LNX2: variants seen among roughly 807,000 people sequenced by gnomAD.
LNX2 encodes the protein ligand of numb-protein X 2.
Under a neutral mutation model 66.2 loss-of-function variants are expected in LNX2, and 35 were observed. The ratio of observed to expected loss-of-function variants is 0.53; its 90% CI spans 0.40 to 0.70. The LOEUF (loss-of-function observed/expected upper bound fraction) is 0.70. LNX2 is among the 30% of genes least tolerant of loss of function. The pLI is 0.00. For missense variants in LNX2, 791 were observed against 850.8 expected (o/e 0.93, Z 0.87); for synonymous variants, 337 against 315.6 (o/e 1.07, Z -0.72).
At chr13:27,582,638 G>C (rs931099611) in intron 1 of LNX2, among the ~76,000 whole-genome samples, 2 of 152,066 alleles carry the variant, frequency 1.3e-5, no homozygotes, top group African/African-American at 4.8e-5. Context: ...AACTAACACA[G>C]GAACAGAAAA....
chr13:27,559,829 A>AT lies in LNX2; in HGVS notation c.1368+12_1368+13insA, dbSNP rs1454950843. The AT allele has an allele frequency of 4.0e-6, 6 of 1,499,566 alleles. No individual in the cohort carries two copies. The highest frequency in any genetic ancestry group is 5.4e-6 in the Non-Finnish European group (6 of 1,119,752). The allele number at this position is 1,499,566 out of a possible 1,614,324, so 92.9% of individuals were successfully genotyped here. A position where few individuals can be genotyped will look rare whatever the true frequency, so the allele number is the denominator to read the frequency against. The stretch of plus-strand genomic sequence containing the variant: ...CCTTTGATGGTGGCATAAAAAAAAA[A>AT]AAAAATCCTCACCTTATGTGAGCTT... On this transcript the variant is annotated intron_variant, in intron 6 of 9. Coordinates refer to ENST00000316334, the MANE Select transcript of LNX2 (RefSeq NM_153371.4).
At chr13:27,598,531 T>C (rs186433774) in intron 1 of LNX2, among the ~76,000 whole-genome samples, 1 of 152,262 alleles carries the variant, frequency 6.6e-6, no homozygotes, top group East Asian at 1.9e-4. Flanking sequence ...ACTTACTTTA[T>C]ATCAGGCATA....
chr13:27,600,964 C>T (rs756581077), intron 1 of LNX2, among the ~76,000 whole-genome samples: 19 of 152,160 alleles, frequency 1.2e-4, no homozygotes, highest in Non-Finnish European at 1.5e-5. Context: ...TGATGTATGG[C>T]CTATCTTCCT....
chr13:27,556,555 C>T (rs1220922454), intron 6 of LNX2, 142 bp from the exon 7 acceptor site: 10 of 733,192 alleles, frequency 1.4e-5, no homozygotes, highest in Admixed American at 2.8e-5. Flanking sequence ...GAAAGTAATA[C>T]ACAGTTCTTA....
At chr13:27,548,521 A>T (rs752423397) in intron 9 of LNX2, 51 bp from the exon 10 acceptor site, 2 of 1,567,892 alleles carry the variant, frequency 1.3e-6, no homozygotes, top group African/African-American at 2.7e-5. Flanking sequence ...TGGTATTAAA[A>T]ATATCCCAAT....
Position 27,581,454 on chromosome 13 carries a change from A to G in LNX2, c.250T>C (p.Cys84Arg). Reference sequence around the variant, plus strand: ...TGAAGTCTTTTCCGGTCCAACGGACAGAAATCTTTCTCTTGTAAAAAGTTT... The same window carrying G: ...TGAAGTCTTTTCCGGTCCAACGGACGGAAATCTTTCTCTTGTAAAAAGTTT... ...LRNFLQEKDF[C>R]PLDRKRLHFK... The change falls in exon 2 of 10, where the codon TGT becomes CGT. Residue 84 changes from cysteine (C) to arginine (R), a missense_variant. Coordinates refer to ENST00000316334, the MANE Select transcript of LNX2 (RefSeq NM_153371.4). The G allele has an allele frequency of 6.2e-7, 1 of 1,611,218 alleles. No homozygotes were observed. Among genetic ancestry groups the G allele is most frequent in the Non-Finnish European group, 8.5e-7 (1 of 1,177,656 alleles).
In LNX2 at chr13:27,559,842, C is replaced by T; in HGVS notation, c.1368G>A (p.Lys456=). The change falls in exon 6 of 10, where the codon AAG becomes AAA. Residue 456 remains lysine (K), a splice_region_variant and synonymous_variant. Coordinates refer to ENST00000316334, the MANE Select transcript of LNX2 (RefSeq NM_153371.4). ...PPYYSRPSSH[K]DLTQCVTCQE... is the part of the protein sequence containing the mutation. ...CATAAAAAAAAAAAAAAATCCTCAC[C>T]TTATGTGAGCTTGGTCTGCTATAAT... is the stretch of plus-strand genomic sequence containing the variant. 6.5e-7 allele frequency: 1 copy of T among 1,546,822 alleles called. No homozygotes were observed. Among genetic ancestry groups the T allele is most frequent in the Non-Finnish European group, 8.7e-7 (1 of 1,144,804 alleles).
chr13:27,562,811 G>A, intron 4 of LNX2, 30 bp from the exon 5 acceptor site: 1 of 1,577,688 alleles, frequency 6.3e-7, no homozygotes, highest in African/African-American at 1.4e-5. Context: ...ACCGAAGTGT[G>A]ACAACCTTTT....
intron 1 of LNX2, among the ~76,000 whole-genome samples, chr13:27,586,286 C>T (rs1434484304): frequency 6.6e-6 from 1 of 152,028 alleles, no homozygotes; most frequent in Non-Finnish European, 1.5e-5. Context: ...GGAAGATAAA[C>T]CCATTCCTTC....
intron 1 of LNX2, among the ~76,000 whole-genome samples, chr13:27,596,045 A>G (rs147851706): frequency 1.2e-4 from 18 of 152,308 alleles, no homozygotes; most frequent in Admixed American, 3.3e-4. Flanking sequence ...GTGCTCAACT[A>G]TCTTTTCCAT....
intron 2 of LNX2, among the ~76,000 whole-genome samples, chr13:27,569,597 G>C (rs1032388593): frequency 3.3e-5 from 5 of 152,180 alleles, no homozygotes; most frequent in Non-Finnish European, 7.3e-5. Flanking sequence ...TAATTATTCT[G>C]AAATTCTGAT....
chr13:27,561,533 T>C (rs961470803), intron 5 of LNX2, among the ~76,000 whole-genome samples: 12 of 152,238 alleles, frequency 7.9e-5, no homozygotes, highest in African/African-American at 2.7e-4. Context: ...TCTATGAAAT[T>C]AGACCAATAT....
chr13:27,590,095 G>C (rs945859631), intron 1 of LNX2, among the ~76,000 whole-genome samples: 1 of 151,892 alleles, frequency 6.6e-6, no homozygotes, highest in African/African-American at 2.4e-5. Context: ...GATTACAGGC[G>C]CCCACCACCA....
At chr13:27,558,188 A>C (rs979414192) in intron 6 of LNX2, among the ~76,000 whole-genome samples, 12 of 152,034 alleles carry the variant, frequency 7.9e-5, no homozygotes, top group African/African-American at 2.9e-4. Flanking sequence ...GTTTTGGTGA[A>C]TGTGTATGTG....
At chr13:27,580,877 G>A (rs981746348) in intron 2 of LNX2, among the ~76,000 whole-genome samples, 5 of 151,908 alleles carry the variant, frequency 3.3e-5, no homozygotes, top group African/African-American at 7.3e-5. Context: ...GCACAATGTT[G>A]CACTGAACAT....
chr13:27,582,354 C>A (rs2386689), intron 1 of LNX2, among the ~76,000 whole-genome samples: 72,148 of 151,672 alleles, frequency 0.48, 18,228 homozygotes, highest in African/African-American at 0.66. Context: ...GATAAAAAAA[C>A]AACTTTTGAT....
At chr13:27,588,513 G>A (rs187421703) in intron 1 of LNX2, among the ~76,000 whole-genome samples, 148 of 152,302 alleles carry the variant, frequency 9.7e-4, no homozygotes, top group Admixed American at 2.3e-3. Flanking sequence ...GATCAAGAAG[G>A]GTTAGGGGCA....
At chr13:27,614,381 T>C (rs1030006625) in intron 1 of LNX2, among the ~76,000 whole-genome samples, 10 of 152,180 alleles carry the variant, frequency 6.6e-5, no homozygotes, top group Non-Finnish European at 1.5e-4. Context: ...TGACCACTCC[T>C]GTGGCCTCAC....
rs1425105820 is a variant in LNX2 at position 27,580,572 on chromosome 13, A to G, written c.407+725T>C. 2.0e-5 allele frequency among the ~76,000 whole-genome samples: 3 copies of G among 152,178 alleles called. No individual in the cohort carries two copies. The East Asian group carries it at 5.8e-4, about 29-fold the overall frequency. ...TAAGTTAAAGATCAAGTCTTTTAGC[A>G]AAATCAAATTATAAAACTCATCAGC... On this transcript the variant is annotated intron_variant, in intron 2 of 9. Coordinates refer to ENST00000316334, the MANE Select transcript of LNX2 (RefSeq NM_153371.4).
Sources: gnomAD v4.1 joint callset for allele counts (sites outside exome capture counted in the v4.1 genomes callset) on GRCh38, gnomAD v4.1.1 for gene constraint, MANE v1.5 for transcripts, NCBI Gene and HGNC (gene_info 2026-07-23, HGNC 2026-07-21) for gene names.